UBAC2: variants seen among roughly 807,000 people sequenced by gnomAD.
The protein encoded by UBAC2 is ubiquitin-associated domain-containing protein 2.
UBAC2 carries 26 observed loss-of-function variants against 44.0 expected under a neutral mutation model. That is an observed-to-expected ratio of 0.59 (90% confidence interval 0.43 to 0.82). UBAC2 has a LOEUF of 0.82. UBAC2 is among the 40% of genes least tolerant of loss of function. The pLI is 0.00. For synonymous variants in UBAC2, 155 were observed against 154.3 expected, an observed-to-expected ratio of 1.00 and a Z score of -0.04; for missense variants, 329 against 419.4, an observed-to-expected ratio of 0.78 and a Z score of 1.88.
chr13:99,351,999 T>G, intron 7 of UBAC2: 1 of 335,856 alleles, frequency 3.0e-6, no homozygotes, highest in Non-Finnish European at 5.9e-6. Context: ...TTGGTAACAT[T>G]CTGTGGCTGT....
intron 4 of UBAC2, among the ~76,000 whole-genome samples, chr13:99,271,777 C>T (rs543687333): frequency 6.6e-6 from 1 of 151,974 alleles, no homozygotes; most frequent in Non-Finnish European, 1.5e-5. Flanking sequence ...TCTTCGAGTC[C>T]CCATGTCCCC....
chr13:99,261,617 C>T (rs2043663214), intron 4 of UBAC2: 2 of 152,194 alleles, frequency 1.3e-5, no homozygotes, highest in African/African-American at 4.8e-5. Context: ...CATTCAGACA[C>T]TTAACCTCAC....
At chr13:99,293,319 C>CT (rs1333663321) in intron 4 of UBAC2, among the ~76,000 whole-genome samples, 5 of 152,176 alleles carry the variant, frequency 3.3e-5, no homozygotes, top group Non-Finnish European at 7.4e-5. Context: ...AGAGAGGACT[C>CT]TTGCCTACCC....
At chr13:99,349,936 G>A (rs113868732) in intron 7 of UBAC2, among the ~76,000 whole-genome samples, 29,648 of 151,800 alleles carry the variant, frequency 0.2, 3,855 homozygotes, top group Non-Finnish European at 0.3. Context: ...TCCCTTTCGC[G>A]GTCTGCTAAG....
intron 1 of UBAC2, among the ~76,000 whole-genome samples, chr13:99,221,364 T>C (rs1226547698): frequency 6.6e-6 from 1 of 152,246 alleles, no homozygotes; most frequent in Non-Finnish European, 1.5e-5. Context: ...CTGTTTGTGA[T>C]TGTGTATGTC....
At chr13:99,385,010 A>T (rs1389565132) in intron 8 of UBAC2, among the ~76,000 whole-genome samples, 1 of 152,264 alleles carries the variant, frequency 6.6e-6, no homozygotes, top group Non-Finnish European at 1.5e-5. Flanking sequence ...AATGAGGGTT[A>T]TGTGCGATCA....
chr13:99,368,698 T>TGTGTGC (rs2045365273), intron 8 of UBAC2, among the ~76,000 whole-genome samples: 1 of 151,008 alleles, frequency 6.6e-6, no homozygotes, highest in Non-Finnish European at 1.5e-5. Flanking sequence ...AGTGTGTGTG[T>TGTGTGC]GTGTGTGTGT....
chr13:99,340,167 G>A (rs1230250407), intron 6 of UBAC2, among the ~76,000 whole-genome samples, 153 bp from the exon 7 acceptor site: 1 of 152,198 alleles, frequency 6.6e-6, no homozygotes, highest in African/African-American at 2.4e-5. Context: ...TTAGTGTTCT[G>A]CAGTGTGGTA....
At chr13:99,221,328 G>A (rs1042972737) in intron 1 of UBAC2, among the ~76,000 whole-genome samples, 2 of 152,146 alleles carry the variant, frequency 1.3e-5, no homozygotes, top group Non-Finnish European at 2.9e-5. Context: ...TTGTTACACA[G>A]GGCACTACTT....
intron 7 of UBAC2, among the ~76,000 whole-genome samples, chr13:99,366,906 A>G (rs2045338883): frequency 6.6e-6 from 1 of 152,184 alleles, no homozygotes; most frequent in African/African-American, 2.4e-5. Context: ...AGAAATATTT[A>G]TCTATTAATA....
At chr13:99,346,782 C>T (rs997943278) in intron 7 of UBAC2, among the ~76,000 whole-genome samples, 1 of 152,196 alleles carries the variant, frequency 6.6e-6, no homozygotes. Context: ...ACCGCAAACC[C>T]GATGTTCACT....
intron 4 of UBAC2, chr13:99,307,451 T>C (rs2044352334): frequency 6.6e-6 from 1 of 152,104 alleles, no homozygotes; most frequent in Admixed American, 6.6e-5. Flanking sequence ...GACCTCCTTT[T>C]ATGGTGGTGA....
intron 8 of UBAC2, among the ~76,000 whole-genome samples, chr13:99,370,879 A>G (rs1593980271): frequency 1.3e-5 from 2 of 152,226 alleles, no homozygotes; most frequent in African/African-American, 2.4e-5. Context: ...GGTTATCCCC[A>G]TGGATAAGAA....
intron 5 of UBAC2, among the ~76,000 whole-genome samples, chr13:99,316,411 A>G (rs1475743864): frequency 6.6e-6 from 1 of 152,154 alleles, no homozygotes; most frequent in Non-Finnish European, 1.5e-5. Flanking sequence ...GAATGAATGA[A>G]TGAATGGATG....
At chr13:99,340,034 A>T (rs567594213) in intron 6 of UBAC2, among the ~76,000 whole-genome samples, 2 of 152,234 alleles carry the variant, frequency 1.3e-5, no homozygotes, top group Non-Finnish European at 2.9e-5. Context: ...AAATGAAGAC[A>T]GTGTCTTGAC....
chr13:99,303,512 T>A (rs748118719), intron 4 of UBAC2, among the ~76,000 whole-genome samples: 1 of 152,206 alleles, frequency 6.6e-6, no homozygotes, highest in Non-Finnish European at 1.5e-5. Context: ...GAAGATGACA[T>A]ATGTTTAGAG....
chr13:99,288,356 G>A (rs2044047229), intron 4 of UBAC2, among the ~76,000 whole-genome samples: 1 of 152,182 alleles, frequency 6.6e-6, no homozygotes, highest in African/African-American at 2.4e-5. Flanking sequence ...TCAGTTGAGT[G>A]GACAGGATGT....
chr13:99,354,732 G>C (rs576486879), intron 7 of UBAC2, among the ~76,000 whole-genome samples: 2 of 152,256 alleles, frequency 1.3e-5, no homozygotes, highest in South Asian at 2.1e-4. Context: ...CAGGATGCCC[G>C]AGGGTTTTTG....
At chr13:99,266,985 C>G (rs2043752342) in intron 4 of UBAC2, among the ~76,000 whole-genome samples, 1 of 152,160 alleles carries the variant, frequency 6.6e-6, no homozygotes, top group Non-Finnish European at 1.5e-5. Context: ...TGCCCAGTTT[C>G]TCCCTATCTT....
Sources: allele counts gnomAD v4.1 joint callset (sites outside exome capture counted in the v4.1 genomes callset), GRCh38; gene constraint gnomAD v4.1.1; transcripts MANE v1.5; gene names NCBI Gene and HGNC (gene_info 2026-07-23, HGNC 2026-07-21).